CFAP251: variants seen among roughly 807,000 people sequenced by gnomAD.
CFAP251 encodes cilia- and flagella-associated protein 251.
A neutral mutation model predicts 126.7 loss-of-function variants in CFAP251; 93 were observed. The observed-to-expected ratio is 0.73, with a 90% CI of 0.62 to 0.87. The LOEUF is 0.87. Ranked by LOEUF, CFAP251 falls within the 40% of genes least tolerant of loss-of-function variation. CFAP251 has a pLI of 0.00. For missense variants in CFAP251, 1,287 were observed against 1,389.2 expected (o/e 0.93, Z 1.17); for synonymous variants, 503 against 506.9 (o/e 0.99, Z 0.10).
intron 19 of CFAP251, among the ~76,000 whole-genome samples, chr12:121,986,706 G>A (rs1882757713): frequency 6.6e-6 from 1 of 150,998 alleles, no homozygotes; most frequent in Admixed American, 6.6e-5. Flanking sequence ...CAAGGCTGCA[G>A]TGAGCCATGA....
intron 3 of CFAP251, among the ~76,000 whole-genome samples, chr12:121,927,357 T>G (rs1348290307): frequency 1.3e-5 from 2 of 152,070 alleles, no homozygotes; most frequent in Non-Finnish European, 2.9e-5. Context: ...AGTGCAGTGG[T>G]GCTATCTTGG....
rs147074269 is a variant in CFAP251, at chr12:121,976,474, G to A, written c.3006+789G>A. On this transcript the variant is annotated intron_variant, in intron 19 of 21. Transcript: ENST00000288912. ...TTAATGGGGCACCTTTGGAAGCTGG[G>A]TGCTTGTCTGGACTGTGGAGCACGG... is the stretch of plus-strand genomic sequence containing the variant. 5.3e-5 allele frequency among the ~76,000 whole-genome samples: 8 copies of A among 152,188 alleles called. No individual in the cohort carries two copies. The East Asian group carries it at 1.5e-3, about 29-fold the overall frequency.
Position 121,969,089 on chromosome 12 carries a change from CA to C in CFAP251, c.2771+925del, listed in dbSNP as rs201222571. 9.6e-5 allele frequency: 95 copies of C among 985,344 alleles called. 1 individual carries two copies. The East Asian group carries it at 7.0e-3, about 73-fold the overall frequency. The allele number at this position is 985,344 out of a possible 1,614,324, so 61.0% of individuals were successfully genotyped here. ...CTCTCGGTAGTGTGACGTTGAGGAGCAAAAACAGCTCAGAGGCACCTTCCTT... is the reference window on the plus strand; with the variant it reads ...CTCTCGGTAGTGTGACGTTGAGGAGCAAAACAGCTCAGAGGCACCTTCCTT... On this transcript the variant is annotated intron_variant, in intron 17 of 21. Coordinates refer to ENST00000288912, the MANE Select transcript of CFAP251 (RefSeq NM_144668.6).
intron 19 of CFAP251, among the ~76,000 whole-genome samples, chr12:121,993,696 G>C (rs1411819613): frequency 1.4e-5 from 2 of 144,020 alleles, no homozygotes; most frequent in Non-Finnish European, 1.5e-5. Flanking sequence ...CTGCCCGGCC[G>C]CCCCGTCTGA....
chr12:122,002,923 C>G (rs978436407), intron 21 of CFAP251, among the ~76,000 whole-genome samples: 4 of 152,156 alleles, frequency 2.6e-5, no homozygotes, highest in Non-Finnish European at 5.9e-5. Context: ...AACAAAGTCC[C>G]TGAACTCAGA....
Position 122,003,743 on chromosome 12 carries a change from T to G in CFAP251, c.3429T>G (p.Asp1143Glu). 1.2e-6 allele frequency: 2 copies of G among 1,609,464 alleles called. No individual in the cohort carries two copies. Among genetic ancestry groups the G allele is most frequent in the Non-Finnish European group, 1.7e-6 (2 of 1,178,564 alleles). ...TTCTTGGCTTAACCATTTCAGAAGA[T>G]TCCGGCCAGGATGGTCAGTGAAGTT... ...TEILGLTISE[D>E]SGQDGQ The change falls in exon 22 of 22, where the codon GAT becomes GAG. Residue 1143 changes from aspartate to glutamate, a missense_variant. Coordinates refer to ENST00000288912, the MANE Select transcript of CFAP251 (RefSeq NM_144668.6).
chr12:121,928,086 G>C (rs1452054279), intron 3 of CFAP251, among the ~76,000 whole-genome samples: 1 of 152,188 alleles, frequency 6.6e-6, no homozygotes, highest in Non-Finnish European at 1.5e-5. Context: ...GCCTCGTGGT[G>C]ACCCGGGAAG....
rs1483797170 is a variant in CFAP251 at position 121,995,678 on chromosome 12, G to A, written c.3007-4038G>A. 3.3e-5 allele frequency among the ~76,000 whole-genome samples: 5 copies of A among 152,096 alleles called. No homozygotes were observed. In the East Asian group the frequency reaches 9.7e-4, roughly 29 times the overall value. On this transcript the variant is annotated intron_variant, in intron 19 of 21. Coordinates refer to ENST00000288912, the MANE Select transcript of CFAP251 (RefSeq NM_144668.6). The stretch of plus-strand genomic sequence containing the variant: ...GTTTTTAGATTTTAGTGGAGATGAG[G>A]TCTCATTATGTTGCCCAGGCTGGTC...
chr12:121,998,231 G>C (rs1330201380), intron 19 of CFAP251: 1 of 151,200 alleles, frequency 6.6e-6, no homozygotes, highest in Non-Finnish European at 1.5e-5. Context: ...TTTGTTTTCT[G>C]TAGAAGCAGG....
chr12:121,959,433 G>A, intron 13 of CFAP251: 1 of 195,464 alleles, frequency 5.1e-6, no homozygotes, highest in Admixed American at 5.5e-5. Context: ...GGAGGGAAAA[G>A]CAGTGGTCTT....
At chr12:121,942,736 G>C (rs1362672747) in intron 6 of CFAP251, 91 bp downstream of exon 6, 1 of 1,232,856 alleles carries the variant, frequency 8.1e-7, no homozygotes, top group African/African-American at 1.5e-5. Flanking sequence ...GCTGGGCTGT[G>C]TGATGTCTGT....
At position 121,934,375 on chromosome 12, in the gene CFAP251, C is replaced by T; in HGVS notation, c.998+19C>T. On this transcript the variant is annotated intron_variant, in intron 5 of 21. Transcript: ENST00000288912. ...TCACAGGGTAGGCTTTGTGTAGCCA[C>T]TTCTTTTTTCCCTGAATTTCTGTAG... 6.3e-7 allele frequency: 1 copy of T among 1,578,668 alleles called. No homozygotes were observed. The highest frequency in any genetic ancestry group is 2.2e-5 in the East Asian group (1 of 44,606).
intron 19 of CFAP251, among the ~76,000 whole-genome samples, chr12:121,976,493 A>G (rs939274722): frequency 2.0e-5 from 3 of 152,084 alleles, no homozygotes; most frequent in African/African-American, 7.2e-5. Context: ...TGGACTGTGG[A>G]GCACGGAGGG....
intron 5 of CFAP251, among the ~76,000 whole-genome samples, chr12:121,937,863 A>G (rs150056645): frequency 6.6e-6 from 1 of 152,226 alleles, no homozygotes; most frequent in Non-Finnish European, 1.5e-5. Flanking sequence ...CCTACAATAC[A>G]TGGCCTTTGT....
chr12:121,950,954 C>T (rs1394441906), intron 8 of CFAP251: 1 of 152,154 alleles, frequency 6.6e-6, no homozygotes, highest in East Asian at 1.9e-4. Context: ...CGCAGTGGCT[C>T]ACGCCTGTAA....
intron 19 of CFAP251, among the ~76,000 whole-genome samples, chr12:121,993,858 C>A (rs1265137175): frequency 1.7e-5 from 2 of 120,536 alleles, no homozygotes; most frequent in Non-Finnish European, 3.5e-5. Flanking sequence ...GGGGGTCAGC[C>A]CCCCCGCCCG....
At chr12:121,997,653 G>A (rs538413597) in intron 19 of CFAP251, 53 of 149,066 alleles carry the variant, frequency 3.6e-4, no homozygotes, top group Non-Finnish European at 6.7e-4. Flanking sequence ...TGATTCCTAA[G>A]TACTTTATTC....
chr12:121,937,748 C>A (rs1880948979), intron 5 of CFAP251, among the ~76,000 whole-genome samples: 1 of 152,108 alleles, frequency 6.6e-6, no homozygotes, highest in Non-Finnish European at 1.5e-5. Context: ...CACAGGTGAC[C>A]AGTGACCTCC....
intron 5 of CFAP251, among the ~76,000 whole-genome samples, chr12:121,940,570 G>A (rs1881071266): frequency 6.6e-6 from 1 of 152,144 alleles, no homozygotes; most frequent in Non-Finnish European, 1.5e-5. Context: ...CATGTGACCC[G>A]CATTCCTGGT....
Sources: gnomAD v4.1 joint callset for allele counts (sites outside exome capture counted in the v4.1 genomes callset) on GRCh38, gnomAD v4.1.1 for gene constraint, MANE v1.5 for transcripts, NCBI Gene and HGNC (gene_info 2026-07-23, HGNC 2026-07-21) for gene names.